The following WDFY4 variants were observed in gnomAD, a reference collection of about 807,000 sequenced individuals.
WDFY4 encodes WD repeat- and FYVE domain-containing protein 4.
WDFY4 carries 169 observed loss-of-function variants against 351.9 expected under a neutral mutation model. The ratio of observed to expected loss-of-function variants is 0.48; its 90% CI spans 0.42 to 0.55. The LOEUF is 0.55. Ranked by LOEUF, WDFY4 falls within the 20% of genes least tolerant of loss-of-function variation. WDFY4 has a pLI of 0.00. For synonymous variants in WDFY4, 1,622 were observed against 1,574.6 expected, an observed-to-expected ratio of 1.03 and a Z score of -0.71; for missense variants, 3,803 against 3,935.6, an observed-to-expected ratio of 0.97 and a Z score of 0.90.
chr10:48,741,385 A>T (rs2064843441), intron 11 of WDFY4, among the ~76,000 whole-genome samples: 1 of 143,218 alleles, frequency 7.0e-6, no homozygotes, highest in Non-Finnish European at 1.5e-5. Flanking sequence ...CTGGGGAGGC[A>T]GAGGTTACAT....
intron 12 of WDFY4, among the ~76,000 whole-genome samples, chr10:48,749,350 C>T (rs1271993463): frequency 6.6e-6 from 1 of 151,892 alleles, no homozygotes; most frequent in African/African-American, 2.4e-5. Context: ...ACCACATGTA[C>T]ACAAAACACA....
intron 53 of WDFY4, among the ~76,000 whole-genome samples, chr10:48,960,147 C>T (rs1300085140): frequency 2.0e-5 from 3 of 152,210 alleles, no homozygotes; most frequent in African/African-American, 7.2e-5. Flanking sequence ...CAGCATAGTT[C>T]AGAGAGGGTT....
At chr10:48,918,101 T>TA (rs1045288489) in intron 47 of WDFY4, among the ~76,000 whole-genome samples, 2 of 152,080 alleles carry the variant, frequency 1.3e-5, no homozygotes, top group Non-Finnish European at 2.9e-5. Context: ...TAGTAAATAG[T>TA]AAAAAACTAA....
Position 48,968,983 on chromosome 10 carries a change from C to T in WDFY4, c.8585-81C>T, listed in dbSNP as rs906980672. On this transcript the variant is annotated intron_variant, in intron 55 of 61. Coordinates refer to ENST00000325239, the MANE Select transcript of WDFY4 (RefSeq NM_001394531.1). ...CTTAAGTTCAAGTCCAGTGTGTCTG[C>T]CTGTGACTCCTGCCTGGGGGCCCAG... The T allele has an allele frequency of 3.5e-6, 5 of 1,418,452 alleles. No individual in the cohort carries two copies. In the African/African-American group the frequency reaches 7.1e-5, roughly 20 times the overall value. The allele number at this position is 1,418,452 out of a possible 1,614,324, so 87.9% of individuals were successfully genotyped here. A position where few individuals can be genotyped will look rare whatever the true frequency, so the allele number is the denominator to read the frequency against.
intron 39 of WDFY4, among the ~76,000 whole-genome samples, chr10:48,863,344 C>T (rs1425621712): frequency 1.3e-5 from 2 of 152,164 alleles, no homozygotes; most frequent in African/African-American, 4.8e-5. Context: ...TCCATACTCT[C>T]AATAAAACTT....
intron 47 of WDFY4, among the ~76,000 whole-genome samples, chr10:48,925,683 C>T (rs1839510147): frequency 6.6e-6 from 1 of 152,144 alleles, no homozygotes; most frequent in Non-Finnish European, 1.5e-5. Flanking sequence ...AGTAGCTCCA[C>T]CACACTCTGA....
At position 48,777,548 on chromosome 10, in the gene WDFY4, C is replaced by A; in HGVS notation, c.3175+53C>A. ...TCTCCATCCCTTCCAAAGTATGAGT[C>A]TTCAGATAGCCTTGATTGCAGATTT... On this transcript the variant is annotated intron_variant, in intron 17 of 61. Transcript: ENST00000325239. 30 of 1,476,434 alleles carry A rather than the reference C, an allele frequency of 2.0e-5. No homozygotes were observed. The South Asian group carries it at 3.3e-4, about 16-fold the overall frequency. 91.5% of individuals were successfully genotyped at this position (1,476,434 alleles called of 1,614,324 possible). A position where few individuals can be genotyped will look rare whatever the true frequency, so the allele number is the denominator to read the frequency against.
chr10:48,918,247 G>A (rs764849952), intron 47 of WDFY4, among the ~76,000 whole-genome samples: 2 of 152,162 alleles, frequency 1.3e-5, no homozygotes, highest in Non-Finnish European at 2.9e-5. Flanking sequence ...CTTACATTAA[G>A]TGAAAGTGAC....
At chr10:48,890,521 C>T (rs12761826) in intron 43 of WDFY4, 58 bp from the exon 44 acceptor site, 197,731 of 1,547,764 alleles carry the variant, frequency 0.13, 13,639 homozygotes, top group Middle Eastern at 0.2. Context: ...CTGTTTCCCC[C>T]AAGAATCATG....
intron 57 of WDFY4, 128 bp downstream of exon 57, chr10:48,970,417 G>A: frequency 7.7e-7 from 1 of 1,304,710 alleles, no homozygotes; most frequent in Non-Finnish European, 1.0e-6. Flanking sequence ...TGCTCACTGA[G>A]GGCCCTGCCA....
At chr10:48,956,366 T>C (rs1450142593) in intron 51 of WDFY4, among the ~76,000 whole-genome samples, 1 of 152,098 alleles carries the variant, frequency 6.6e-6, no homozygotes, top group East Asian at 1.9e-4. Context: ...CTCTCCACCC[T>C]CAGACCCATT....
intron 13 of WDFY4, among the ~76,000 whole-genome samples, chr10:48,765,113 A>G (rs1188005920): frequency 1.3e-5 from 2 of 152,242 alleles, no homozygotes; most frequent in Non-Finnish European, 2.9e-5. Context: ...TGAATAGAAC[A>G]TATGGATGAG....
At chr10:48,789,276 A>G (rs1249904905) in intron 21 of WDFY4, among the ~76,000 whole-genome samples, 5 of 152,214 alleles carry the variant, frequency 3.3e-5, no homozygotes, top group Admixed American at 2.6e-4. Flanking sequence ...ATTTACTTCC[A>G]ATTTTTGCAT....
At chr10:48,778,150 A>G (rs2066096103) in intron 17 of WDFY4, among the ~76,000 whole-genome samples, 1 of 152,226 alleles carries the variant, frequency 6.6e-6, no homozygotes, top group African/African-American at 2.4e-5. Flanking sequence ...CTATGGGATC[A>G]TGGGTGCTGG....
In WDFY4 at chr10:48,722,609, T is replaced by G. The variant is rs532402034; in HGVS notation, c.457-824T>G. On this transcript the variant is annotated intron_variant, in intron 4 of 61. Transcript: ENST00000325239. ...TTAACCAGTGGAATGGGAAGTTGCA[T>G]GGACAGCATTCCATAGGTTGACCCC... is the stretch of plus-strand genomic sequence containing the variant. Among the ~76,000 whole-genome samples, 3 of 152,366 alleles carry G rather than the reference T, an allele frequency of 2.0e-5. No individual in the cohort carries two copies. In the South Asian group the frequency reaches 6.2e-4, roughly 32 times the overall value.
chr10:48,734,998 C>T (rs566758998), intron 10 of WDFY4, among the ~76,000 whole-genome samples: 2 of 137,326 alleles, frequency 1.5e-5, no homozygotes, highest in Non-Finnish European at 3.0e-5. Flanking sequence ...ACCATGTTGA[C>T]CAGGCTGGTC....
chr10:48,839,018 G>A (rs889053975), intron 39 of WDFY4, among the ~76,000 whole-genome samples: 9 of 152,198 alleles, frequency 5.9e-5, no homozygotes, highest in African/African-American at 2.2e-4. Context: ...AAGGCAATAA[G>A]CTCTGCGATG....
chr10:48,743,036 G>A lies in WDFY4; in HGVS notation c.1947G>A (p.Gly649=). ...AAFRVSSGFN[G]LLSLLSDLEG... ...TCAGAGTCTCCAGCGGGTTCAACGG[G>A]CTGCTGTCTCTGCTCTCTGACCTGG... Residue 649 remains glycine (G), a synonymous_variant, in exon 12 of 62, where the codon GGG becomes GGA. Transcript: ENST00000325239. 1.3e-6 allele frequency: 2 copies of A among 1,551,562 alleles called. No homozygotes were observed. The highest frequency in any genetic ancestry group is 1.7e-6 in the Non-Finnish European group (2 of 1,146,994).
intron 60 of WDFY4, chr10:48,978,654 C>T: frequency 4.9e-6 from 2 of 411,100 alleles, no homozygotes; most frequent in Non-Finnish European, 8.8e-6. Flanking sequence ...TCACCAACCC[C>T]TCCATAATGA....
Sources: gnomAD v4.1 joint callset for allele counts (sites outside exome capture counted in the v4.1 genomes callset) on GRCh38, gnomAD v4.1.1 for gene constraint, MANE v1.5 for transcripts, NCBI Gene and HGNC (gene_info 2026-07-23, HGNC 2026-07-21) for gene names.